CNTNAP5: variants seen among roughly 807,000 people sequenced by gnomAD.
The protein encoded by CNTNAP5 is contactin-associated protein-like 5.
A neutral mutation model predicts 150.2 loss-of-function variants in CNTNAP5; 72 were observed. That is an observed-to-expected ratio of 0.48 (90% CI 0.40 to 0.58). The LOEUF (loss-of-function observed/expected upper bound fraction) is 0.58. Ranked by LOEUF, CNTNAP5 falls within the 20% of genes least tolerant of loss-of-function variation. The pLI is 0.00. For missense variants in CNTNAP5, 1,636 were observed against 1,626.2 expected (o/e 1.01, Z -0.10); for synonymous variants, 672 against 619.8 (o/e 1.08, Z -1.25).
At chr2:124,690,216 A>T (rs1679273483) in intron 13 of CNTNAP5, among the ~76,000 whole-genome samples, 1 of 152,142 alleles carries the variant, frequency 6.6e-6, no homozygotes, top group African/African-American at 2.4e-5. Flanking sequence ...GAAACTATTC[A>T]GTTCTTGAAT....
At chr2:124,271,639 C>T (rs959007546) in intron 3 of CNTNAP5, among the ~76,000 whole-genome samples, 2 of 150,254 alleles carry the variant, frequency 1.3e-5, no homozygotes, top group African/African-American at 4.9e-5. Context: ...CTTTAATTTC[C>T]TTCATTTAGT....
chr2:124,607,105 A>G (rs1677248543), intron 11 of CNTNAP5, among the ~76,000 whole-genome samples: 1 of 152,162 alleles, frequency 6.6e-6, no homozygotes, highest in Admixed American at 6.5e-5. Context: ...GACAATTTAT[A>G]CTTCGAGAGT....
intron 3 of CNTNAP5, among the ~76,000 whole-genome samples, chr2:124,410,555 A>G (rs1412030072): frequency 1.4e-5 from 2 of 144,628 alleles, no homozygotes; most frequent in Non-Finnish European, 3.1e-5. Context: ...CAATCAAACT[A>G]GAACTCAGGA....
intron 12 of CNTNAP5, among the ~76,000 whole-genome samples, chr2:124,646,982 A>T (rs1678215031): frequency 6.6e-6 from 1 of 152,162 alleles, no homozygotes; most frequent in South Asian, 2.1e-4. Context: ...CTTTAAAAAT[A>T]AAAATTTTTT....
chr2:124,196,219 C>T (rs116952850), intron 1 of CNTNAP5, among the ~76,000 whole-genome samples: 1 of 151,976 alleles, frequency 6.6e-6, no homozygotes, highest in Non-Finnish European at 1.5e-5. Flanking sequence ...AAAGTCTGTC[C>T]CTAGGTGAGA....
intron 3 of CNTNAP5, among the ~76,000 whole-genome samples, chr2:124,398,237 T>A (rs990644482): frequency 6.6e-6 from 1 of 152,162 alleles, no homozygotes; most frequent in Non-Finnish European, 1.5e-5. Flanking sequence ...TTCCAGCTCC[T>A]TTGCTGATTT....
In CNTNAP5 at chr2:124,609,854, T is replaced by A; in HGVS notation, c.1810T>A (p.Phe604Ile). The change falls in exon 12 of 24, where the codon TTC becomes ATC. Residue 604 changes from phenylalanine to isoleucine, a missense_variant. Physicochemically the swap from Phe to Ile is conservative, Grantham distance 21. Transcript: ENST00000682447. The stretch of plus-strand genomic sequence containing the variant: ...CAGGCACCAGGGGAATACAGCCGGC[T>A]TCTTCTACATCGACTCAGATGGCAG... ...VYRHQGNTAG[F>I]FYIDSDGSGP... 6.2e-7 allele frequency: 1 copy of A among 1,614,018 alleles called. No homozygotes were observed. The highest frequency in any genetic ancestry group is 8.5e-7 in the Non-Finnish European group (1 of 1,179,880).
intron 3 of CNTNAP5, among the ~76,000 whole-genome samples, chr2:124,283,501 G>A (rs183386833): frequency 6.6e-6 from 1 of 152,222 alleles, no homozygotes; most frequent in Admixed American, 6.5e-5. Flanking sequence ...GTGGACTCTT[G>A]TAAGCCAACT....
chr2:124,176,862 T>A (rs1211447006), intron 1 of CNTNAP5, among the ~76,000 whole-genome samples: 3 of 121,954 alleles, frequency 2.5e-5, no homozygotes, highest in East Asian at 2.8e-4. Flanking sequence ...TTTTTTTTTT[T>A]ACATGGCGTT....
Position 124,865,424 on chromosome 2 carries a change from G to C in CNTNAP5, c.3336G>C (p.Glu1112Asp), listed in dbSNP as rs1470890349. 6.4e-7 allele frequency: 1 copy of C among 1,551,668 alleles called. No individual in the cohort carries two copies. The highest frequency in any genetic ancestry group is 8.7e-7 in the Non-Finnish European group (1 of 1,146,886). The change falls in exon 20 of 24, where the codon GAG becomes GAC. Residue 1112 changes from glutamate to aspartate, a missense_variant. Glu to Asp is a conservative substitution (Grantham distance 45). Transcript: ENST00000682447. ...TGAAGATTAACCGAGAGGGAAGAGAGCTTACCATTCAGGTACCTTCCTTAC... is the reference window on the plus strand; with the variant it reads ...TGAAGATTAACCGAGAGGGAAGAGACCTTACCATTCAGGTACCTTCCTTAC... ...HHLKINREGR[E>D]LTIQMDQQLR...
At chr2:124,818,367 A>G (rs1682412857) in intron 19 of CNTNAP5, among the ~76,000 whole-genome samples, 1 of 152,070 alleles carries the variant, frequency 6.6e-6, no homozygotes, top group Non-Finnish European at 1.5e-5. Context: ...CAAAAATAAA[A>G]ATAAAATAAG....
intron 13 of CNTNAP5, among the ~76,000 whole-genome samples, chr2:124,710,468 G>A (rs1679783723): frequency 6.6e-6 from 1 of 152,068 alleles, no homozygotes; most frequent in African/African-American, 2.4e-5. Context: ...TTGGATCCTA[G>A]AGCCTAGAAT....
At position 124,735,122 on chromosome 2, in the gene CNTNAP5, A is replaced by G. The variant is rs538077202; in HGVS notation, c.2078-12107A>G. On this transcript the variant is annotated intron_variant, in intron 13 of 23. Coordinates refer to ENST00000682447, the MANE Select transcript of CNTNAP5 (RefSeq NM_001367498.1). ...AGAATTCTAGCTTTCCCCTCTCTAT[A>G]TATGTACCCCCTTTCCTCCACAATA... Among the ~76,000 whole-genome samples, 120 of 152,278 alleles carry G rather than the reference A, an allele frequency of 7.9e-4. 1 individual carries two copies. Among genetic ancestry groups the G allele is most frequent in the African/African-American group, 2.8e-3 (115 of 41,560 alleles).
intron 8 of CNTNAP5, among the ~76,000 whole-genome samples, chr2:124,514,617 T>C (rs114197965): frequency 0.043 from 6,468 of 152,156 alleles, 171 homozygotes; most frequent in Non-Finnish European, 0.062. Context: ...GAGGCATTAA[T>C]GAATAATAGA....
intron 1 of CNTNAP5, among the ~76,000 whole-genome samples, chr2:124,203,588 T>A (rs1005995748): frequency 2.6e-5 from 4 of 152,166 alleles, no homozygotes; most frequent in African/African-American, 9.7e-5. Flanking sequence ...TATCCAGGCA[T>A]TTCCATACAT....
intron 1 of CNTNAP5, among the ~76,000 whole-genome samples, chr2:124,128,756 T>C (rs1339875149): frequency 6.6e-6 from 1 of 152,154 alleles, no homozygotes; most frequent in Non-Finnish European, 1.5e-5. Flanking sequence ...TTCATGTCCT[T>C]TGTAGGGACA....
At chr2:124,747,614 CTTTTTTTT>C (rs11351693) in intron 14 of CNTNAP5, among the ~76,000 whole-genome samples, 2 of 53,264 alleles carry the variant, frequency 3.8e-5, no homozygotes, top group South Asian at 1.2e-3. Context: ...GCTGCTTCTT[CTTTTTTTT>C]TTTTTTTTTT....
At chr2:124,611,001 C>T (rs1182956882) in intron 12 of CNTNAP5, among the ~76,000 whole-genome samples, 1 of 148,406 alleles carries the variant, frequency 6.7e-6, no homozygotes, top group Non-Finnish European at 1.5e-5. Flanking sequence ...CTATTATGAG[C>T]ATCATTAATT....
intron 21 of CNTNAP5, among the ~76,000 whole-genome samples, chr2:124,901,881 C>A (rs2602649): frequency 6.6e-6 from 1 of 151,880 alleles, no homozygotes; most frequent in Non-Finnish European, 1.5e-5. Flanking sequence ...CCTTATCATA[C>A]CTCTTAATGT....
Sources: gnomAD v4.1 joint callset for allele counts (sites outside exome capture counted in the v4.1 genomes callset) on GRCh38, gnomAD v4.1.1 for gene constraint, MANE v1.5 for transcripts, NCBI Gene and HGNC (gene_info 2026-07-23, HGNC 2026-07-21) for gene names.